Variants in DYSF observed in about 807,000 individuals in gnomAD.
The protein encoded by DYSF is dysferlin.
DYSF carries 212 observed loss-of-function variants against 274.9 expected under a neutral mutation model. That is an observed-to-expected ratio of 0.77 (90% CI 0.69 to 0.86). The LOEUF is 0.86. Among genes scored for constraint, DYSF ranks in the 40% least tolerant of loss-of-function variants. The pLI is 0.00. For synonymous variants in DYSF, 1,091 were observed against 1,078.7 expected (o/e 1.01, Z -0.22); for missense variants, 2,666 against 2,783.2 (o/e 0.96, Z 0.95).
rs753577103 is a variant in DYSF, at chr2:71,672,043, C to T, written c.5785-2154C>T. On this transcript the variant is annotated intron_variant, in intron 51 of 55. Transcript: ENST00000410020. ...GGAGGGAAGGCCAGAGGGGAAGGGA[C>T]GTTCTCCGTGATGCCAGACTCTGGG... Among the ~76,000 whole-genome samples the T allele has an allele frequency of 5.9e-5, 9 of 152,104 alleles. 1 individual carries two copies. The highest frequency in any genetic ancestry group is 2.1e-4 in the South Asian group (1 of 4,814).
chr2:71,666,044 C>G (rs1201554645), intron 47 of DYSF, among the ~76,000 whole-genome samples: 1 of 151,688 alleles, frequency 6.6e-6, no homozygotes, highest in East Asian at 2.0e-4. Context: ...ATCCCCCACC[C>G]CCTCCTCCTT....
At chr2:71,501,424 C>A (rs1214863302) in intron 3 of DYSF, among the ~76,000 whole-genome samples, 1 of 152,088 alleles carries the variant, frequency 6.6e-6, no homozygotes. Flanking sequence ...TATGATAAAT[C>A]GACATAAACG....
At chr2:71,499,340 C>T (rs117915062) in intron 3 of DYSF, among the ~76,000 whole-genome samples, 3 of 152,290 alleles carry the variant, frequency 2.0e-5, no homozygotes, top group South Asian at 4.1e-4. Flanking sequence ...GTCTAGTGTT[C>T]CATTGTATGA....
chr2:71,571,903 ACACAGATCACACCCAGCACATG>A (rs1274126893), intron 29 of DYSF, among the ~76,000 whole-genome samples: 32 of 135,114 alleles, frequency 2.4e-4, no homozygotes, highest in African/African-American at 9.0e-4. Flanking sequence ...CCCAGCACAC[ACACAGATCACACCCAGCACATG>A]CACAGATCAC....
intron 24 of DYSF, among the ~76,000 whole-genome samples, chr2:71,565,245 TC>T (rs1288819212): frequency 1.5e-5 from 2 of 132,978 alleles, no homozygotes; most frequent in Admixed American, 1.4e-4. Flanking sequence ...CCCACCCAGC[TC>T]TTTTTTTTTT....
At chr2:71,472,689 AG>A (rs2082121925) in intron 1 of DYSF, among the ~76,000 whole-genome samples, 1 of 152,220 alleles carries the variant, frequency 6.6e-6, no homozygotes, top group Non-Finnish European at 1.5e-5. Context: ...TACAGGCGTG[AG>A]CCACCGCGCC....
Position 71,553,862 on chromosome 2 carries a change from A to G in DYSF, c.2040A>G (p.Ser680=), listed in dbSNP as rs1285165000. 3.1e-6 allele frequency: 5 copies of G among 1,613,020 alleles called. No homozygotes were observed. Among genetic ancestry groups the G allele is most frequent in the Non-Finnish European group, 3.4e-6 (4 of 1,179,762 alleles). The part of the protein sequence containing the change: ...WGNVKPVVVL[S]SYWEDISHRI... Reference sequence around the variant, plus strand: ...ACGTGAAACCTGTGGTGGTGCTGTCATCCTACTGGGAGGACATCAGCCATA... The same window carrying G: ...ACGTGAAACCTGTGGTGGTGCTGTCGTCCTACTGGGAGGACATCAGCCATA... Residue 680 remains serine, a synonymous_variant, in exon 21 of 56, where the codon TCA becomes TCG. Coordinates refer to ENST00000410020, the MANE Select transcript of DYSF (RefSeq NM_001130987.2).
intron 33 of DYSF, 133 bp from the exon 34 acceptor site, chr2:71,600,568 AT>A: frequency 7.9e-7 from 1 of 1,267,932 alleles, no homozygotes; most frequent in South Asian, 1.2e-5. Flanking sequence ...AGAATTCACC[AT>A]TCTGTGGGAG....
chr2:71,572,021 ACACATTACACCTAGCACACC>A (rs1192854757), intron 29 of DYSF, among the ~76,000 whole-genome samples: 8 of 139,160 alleles, frequency 5.7e-5, no homozygotes, highest in African/African-American at 2.2e-4. Context: ...CTCAGCACAC[ACACATTACACCTAGCACACC>A]CACAGATCAC....
intron 30 of DYSF, among the ~76,000 whole-genome samples, chr2:71,587,007 C>T (rs1489410633): frequency 2.0e-5 from 3 of 152,236 alleles, no homozygotes; most frequent in Non-Finnish European, 4.4e-5. Flanking sequence ...GAGATGCAGG[C>T]ATCACGCACT....
intron 16 of DYSF, 43 bp from the exon 17 acceptor site, chr2:71,539,114 G>T (rs756466473): frequency 6.3e-7 from 1 of 1,579,654 alleles, no homozygotes; most frequent in Non-Finnish European, 8.7e-7. Context: ...GTGGCCTGCA[G>T]TTCCTTTCCT....
At chr2:71,601,767 T>A (rs1190210734) in intron 35 of DYSF, among the ~76,000 whole-genome samples, 1 of 152,214 alleles carries the variant, frequency 6.6e-6, no homozygotes, top group African/African-American at 2.4e-5. Context: ...GATGGAAGGA[T>A]CCTCATAATT....
In DYSF at chr2:71,519,713, C is replaced by T. The variant is rs573055043; in HGVS notation, c.1003-465C>T. Among the ~76,000 whole-genome samples, 23 of 151,586 alleles carry T rather than the reference C, an allele frequency of 1.5e-4. No homozygotes were observed. The East Asian group carries it at 3.1e-3, about 20-fold the overall frequency. ...AGGCTGGATTGCAATGGCATGATCT[C>T]GGCTCACTGCAACCTCCAACTCCTG... On this transcript the variant is annotated intron_variant, in intron 10 of 55. Coordinates refer to ENST00000410020, the MANE Select transcript of DYSF (RefSeq NM_001130987.2).
At chr2:71,674,155 CCT>C in intron 51 of DYSF, 40 bp from the exon 52 acceptor site, 1 of 1,585,140 alleles carries the variant, frequency 6.3e-7, no homozygotes, top group Non-Finnish European at 8.7e-7. Context: ...CTCTCTCTAA[CCT>C]TGCTTCCTTG....
upstream of DYSF, among the ~76,000 whole-genome samples, chr2:71,463,116 C>T (rs1415424697): frequency 6.6e-6 from 1 of 152,216 alleles, no homozygotes; most frequent in Non-Finnish European, 1.5e-5. Flanking sequence ...CTAGGCTGTT[C>T]ATGCAGAGGG....
rs201786433 is a variant in DYSF at position 71,561,740 on chromosome 2, C to T, written c.2217-12C>T. ...GCTCATCAGGCGCATTCCATCTGTC[C>T]GTCCCTCACAGCCAGCCTCTGGGTG... On this transcript the variant is annotated splice_polypyrimidine_tract_variant and intron_variant, in intron 22 of 55. Transcript: ENST00000410020. The T allele has an allele frequency of 2.7e-5, 44 of 1,614,090 alleles. No homozygotes were observed. The East Asian group carries it at 5.1e-4, about 19-fold the overall frequency.
chr2:71,476,507 C>T (rs151290577), intron 1 of DYSF, among the ~76,000 whole-genome samples: 2 of 151,358 alleles, frequency 1.3e-5, no homozygotes, highest in East Asian at 3.9e-4. Flanking sequence ...CACCATCACA[C>T]TCCAGCCTGA....
chr2:71,466,232 G>A (rs979697866), upstream of DYSF, among the ~76,000 whole-genome samples: 2 of 152,174 alleles, frequency 1.3e-5, no homozygotes, highest in Admixed American at 6.5e-5. Context: ...CGGGGTGCAC[G>A]GCACGCTCCG....
At chr2:71,588,464 T>C (rs2093146981) in intron 30 of DYSF, among the ~76,000 whole-genome samples, 1 of 152,092 alleles carries the variant, frequency 6.6e-6, no homozygotes, top group South Asian at 2.1e-4. Context: ...TTGGAGGCAC[T>C]GGGGGGCTTT....
Sources: gnomAD v4.1 joint callset for allele counts (sites outside exome capture counted in the v4.1 genomes callset) on GRCh38, gnomAD v4.1.1 for gene constraint, MANE v1.5 for transcripts, NCBI Gene and HGNC (gene_info 2026-07-23, HGNC 2026-07-21) for gene names.